The following KIF5B variants were observed in gnomAD, a reference collection of about 807,000 sequenced individuals.
The protein encoded by KIF5B is kinesin family member 5B.
A neutral mutation model predicts 132.8 loss-of-function variants in KIF5B; 49 were observed. That is an observed-to-expected ratio of 0.37 (90% CI 0.29 to 0.47). The LOEUF is 0.47. Ranked by LOEUF, KIF5B falls within the 20% of genes least tolerant of loss-of-function variation. The probability of loss-of-function intolerance (pLI) is 1.00; values close to 1 mark genes in which losing one functional copy is unlikely to be tolerated. For missense variants in KIF5B, 780 were observed against 1,144.0 expected, an observed-to-expected ratio of 0.68 and a Z score of 4.59; for synonymous variants, 355 against 369.4, an observed-to-expected ratio of 0.96 and a Z score of 0.45.
In KIF5B at chr10:32,033,826, T is replaced by G. The variant is rs750690049; in HGVS notation, c.1305+19A>C. 6.3e-7 allele frequency: 1 copy of G among 1,577,722 alleles called. No homozygotes were observed. The highest frequency in any genetic ancestry group is 1.1e-5 in the South Asian group (1 of 88,980). On this transcript the variant is annotated intron_variant, in intron 12 of 25. Transcript: ENST00000302418. ...ATAGTATCCTAATATAAAGCAGACC[T>G]AAATCAAGCAATACCTACCTTGTCA...
chr10:32,056,267 T>C lies in KIF5B; in HGVS notation c.-294A>G, dbSNP rs1841762561. 3 of 368,432 alleles carry C rather than the reference T, an allele frequency of 8.1e-6. No individual in the cohort carries two copies. Among genetic ancestry groups the C allele is most frequent in the Non-Finnish European group, 9.9e-6 (2 of 202,914 alleles). 22.8% of individuals were successfully genotyped at this position (368,432 alleles called of 1,614,324 possible). ...CTCCTCAGCGTCCCCCTTTACGGTC[T>C]GGGCGGACTGCGGGGGCTGGGGAGG... On this transcript the variant is annotated 5_prime_UTR_variant, in exon 1 of 26. Transcript: ENST00000302418.
chr10:32,021,402 A>G (rs1841256920), intron 17 of KIF5B, 115 bp from the exon 18 acceptor site: 1 of 707,328 alleles, frequency 1.4e-6, no homozygotes, highest in Non-Finnish European at 2.4e-6. Flanking sequence ...TTCAACTTCA[A>G]ATTACCCAAA....
Position 32,035,682 on chromosome 10 carries a change from A to T in KIF5B, c.817-15T>A. ...GGAACATATGTCTGCATACAAAAACAAAGAAAGAAAACAAGACCAGTATAA... is the reference window on the plus strand; with the variant it reads ...GGAACATATGTCTGCATACAAAAACTAAGAAAGAAAACAAGACCAGTATAA... On this transcript the variant is annotated splice_polypyrimidine_tract_variant and intron_variant, in intron 9 of 25. Coordinates refer to ENST00000302418, the MANE Select transcript of KIF5B (RefSeq NM_004521.3). The T allele has an allele frequency of 6.3e-7, 1 of 1,587,384 alleles. No individual in the cohort carries two copies. The highest frequency in any genetic ancestry group is 8.5e-7 in the Non-Finnish European group (1 of 1,170,198).
chr10:32,038,826 C>T lies in KIF5B; in HGVS notation c.394G>A (p.Val132Ile). The T allele has an allele frequency of 6.7e-7, 1 of 1,497,790 alleles. No homozygotes were observed. The highest frequency in any genetic ancestry group is 1.2e-5 in the South Asian group (1 of 86,080). 92.8% of individuals were successfully genotyped at this position (1,497,790 alleles called of 1,614,324 possible). The part of the protein sequence containing the change: ...MDENLEFHIK[V>I]SYFEIYLDKI... ...TCCAAATATATTTCAAAATATGAAA[C>T]CTAAAGGGCAAATTTAAAAAAACAC... The change falls in exon 5 of 26, where the codon GTT becomes ATT. Residue 132 changes from valine (V) to isoleucine (I), a missense_variant and splice_region_variant. By Grantham distance (29) the Val-to-Ile change is conservative (BLOSUM62 3). Around this residue, in one of 9 missense-constraint regions of KIF5B, gnomAD observed 76 missense variants for 146.4 expected, o/e 0.52. Coordinates refer to ENST00000302418, the MANE Select transcript of KIF5B (RefSeq NM_004521.3).
At chr10:32,033,408 T>C (rs1046413950) in intron 12 of KIF5B, among the ~76,000 whole-genome samples, 1 of 152,182 alleles carries the variant, frequency 6.6e-6, no homozygotes, top group Non-Finnish European at 1.5e-5. Context: ...AGAATATCAT[T>C]AAGAGCGCGA....
At chr10:32,021,795 G>T (rs1292586328) in intron 17 of KIF5B, among the ~76,000 whole-genome samples, 2 of 151,992 alleles carry the variant, frequency 1.3e-5, no homozygotes, top group African/African-American at 4.8e-5. Context: ...ACACGGTGAA[G>T]CCCTGTCTCT....
rs1472354207 is a variant in KIF5B, at chr10:32,010,464, A to C, written c.*1073T>G. 1 of 152,224 alleles carries C rather than the reference A, an allele frequency of 6.6e-6. No homozygotes were observed. Among genetic ancestry groups the C allele is most frequent in the Admixed American group, 6.5e-5 (1 of 15,274 alleles). 9.4% of individuals were successfully genotyped at this position (152,224 alleles called of 1,614,324 possible). On this transcript the variant is annotated 3_prime_UTR_variant, in exon 26 of 26. Transcript: ENST00000302418. The stretch of plus-strand genomic sequence containing the variant: ...CAAATTAGTGTAGCAGGTTAAAAAC[A>C]CCTCAGGGATTTCAGACCAAAATTG...
In KIF5B at chr10:32,018,132, T is replaced by C; in HGVS notation, c.2464A>G (p.Thr822Ala). ...TGCTTCTGAGCAGCGCTGCCTCCGG[T>C]GTCATCAGAATCAATCTCAGCACTC... ...KKSAEIDSDD[T>A]GGSAAQKQKI... Residue 822 changes from threonine to alanine, a missense_variant, in exon 23 of 26, where the codon ACC becomes GCC. By Grantham distance (58) the Thr-to-Ala change is moderately conservative. Coordinates refer to ENST00000302418, the MANE Select transcript of KIF5B (RefSeq NM_004521.3). The C allele has an allele frequency of 6.2e-7, 1 of 1,609,720 alleles. No individual in the cohort carries two copies. The highest frequency in any genetic ancestry group is 8.5e-7 in the Non-Finnish European group (1 of 1,177,450).
chr10:32,048,568 T>G lies in KIF5B; in HGVS notation c.127-17A>C. ...AGGCTTGGACTGAAAAACAAAAAAG[T>G]GTTTCAACTATACAAATTAAAGGTA... On this transcript the variant is annotated splice_polypyrimidine_tract_variant and intron_variant, in intron 1 of 25. Transcript: ENST00000302418. 5.1e-6 allele frequency: 8 copies of G among 1,581,356 alleles called. No homozygotes were observed. The highest frequency in any genetic ancestry group is 6.9e-6 in the Non-Finnish European group (8 of 1,153,186).
chr10:32,053,801 A>C (rs1416172420), intron 1 of KIF5B, among the ~76,000 whole-genome samples: 1 of 152,128 alleles, frequency 6.6e-6, no homozygotes, highest in Non-Finnish European at 1.5e-5. Context: ...CAGCTTACCT[A>C]AAGGTTAACT....
Position 32,022,049 on chromosome 10 carries a change from C to T in KIF5B, c.2032+91G>A, listed in dbSNP as rs540640950. On this transcript the variant is annotated intron_variant, in intron 17 of 25. Transcript: ENST00000302418. The stretch of plus-strand genomic sequence containing the variant: ...TTACCATTCGAAATCAGCCATATTC[C>T]TACTATTTCTTTCAGTGTGAATATT... 18 of 669,412 alleles carry T rather than the reference C, an allele frequency of 2.7e-5. No individual in the cohort carries two copies. In the South Asian group the frequency reaches 3.4e-4, roughly 13 times the overall value. The allele number at this position is 669,412 out of a possible 1,614,324, so 41.5% of individuals were successfully genotyped here. A position where few individuals can be genotyped will look rare whatever the true frequency, so the allele number is the denominator to read the frequency against.
Position 32,056,418 on chromosome 10 carries a change from T to TGGGCGACA in KIF5B, c.-446_-445insTGTCGCCC, listed in dbSNP as rs1564473204. The TGGGCGACA allele has an allele frequency of 6.1e-6, 1 of 163,462 alleles. No individual in the cohort carries two copies. Among genetic ancestry groups the TGGGCGACA allele is most frequent in the Non-Finnish European group, 1.3e-5 (1 of 74,828 alleles). The allele number at this position is 163,462 out of a possible 1,614,324, so 10.1% of individuals were successfully genotyped here. A position where few individuals can be genotyped will look rare whatever the true frequency, so the allele number is the denominator to read the frequency against. The stretch of plus-strand genomic sequence containing the variant: ...GCCCGATCACTCCTGAGGCCGCCGT[T>TGGGCGACA]GGGCGACAGGGCGGTGCGGGAGGAG... On this transcript the variant is annotated 5_prime_UTR_variant, in exon 1 of 26. Coordinates refer to ENST00000302418, the MANE Select transcript of KIF5B (RefSeq NM_004521.3).
At position 32,015,615 on chromosome 10, in the gene KIF5B, G is replaced by T. The variant is rs755787052; in HGVS notation, c.2806C>A (p.His936Asn). The change falls in exon 25 of 26, where the codon CAC becomes AAC. Residue 936 changes from histidine (H) to asparagine (N), a missense_variant. Physicochemically the swap from His to Asn is moderately conservative, Grantham distance 68. Around this residue, in one of 9 missense-constraint regions of KIF5B, gnomAD observed 90 missense variants for 101.8 expected, o/e 0.88. Transcript: ENST00000302418. ...CCTCCTCCACGAATTGCACTTGGGT[G>T]AGTTGGAGAAGCTGCTGGATGTTGC... ...PGQHPAASPT[H>N]PSAIRGGGAF... The T allele has an allele frequency of 6.2e-7, 1 of 1,613,536 alleles. No homozygotes were observed. Among genetic ancestry groups the T allele is most frequent in the African/African-American group, 1.3e-5 (1 of 74,906 alleles).
chr10:32,013,138 T>C (rs1841107741), intron 25 of KIF5B, among the ~76,000 whole-genome samples: 1 of 152,008 alleles, frequency 6.6e-6, no homozygotes, highest in African/African-American at 2.4e-5. Flanking sequence ...TGACCTGAGG[T>C]GACCCACCCA....
chr10:32,055,857 G>T lies in KIF5B; in HGVS notation c.117C>A (p.Val39=). 1 of 1,612,332 alleles carries T rather than the reference G, an allele frequency of 6.2e-7. No homozygotes were observed. Among genetic ancestry groups the T allele is most frequent in the Non-Finnish European group, 8.5e-7 (1 of 1,179,736 alleles). The change falls in exon 1 of 26, where the codon GTC becomes GTA. Residue 39 remains valine, a synonymous_variant. Coordinates refer to ENST00000302418, the MANE Select transcript of KIF5B (RefSeq NM_004521.3). ...YIAKFQGEDT[V]VIASKPYAFD... is the part of the protein sequence containing the mutation. ...GGCGGGGGTCACTCACCGCGATCAC[G>T]ACCGTGTCTTCTCCCTGAAACTTGG...
intron 2 of KIF5B, among the ~76,000 whole-genome samples, chr10:32,042,421 A>G (rs1159505585): frequency 6.6e-6 from 1 of 152,178 alleles, no homozygotes; most frequent in African/African-American, 2.4e-5. Flanking sequence ...CAATTCCACA[A>G]CGCACCCCCA....
At chr10:32,035,782 A>G in intron 9 of KIF5B, 108 bp downstream of exon 9, 1 of 1,328,860 alleles carries the variant, frequency 7.5e-7, no homozygotes. Context: ...TTGAATCTCA[A>G]TCTCTCTTTC....
rs781197791 is a variant in KIF5B, at chr10:32,037,508, T to C, written c.586+12A>G. Reference sequence around the variant, plus strand: ...TGGTTTTAAATCCTAACCAGTGTTATTTTCTACTTACTTGTAACTGCTACA... The same window carrying C: ...TGGTTTTAAATCCTAACCAGTGTTACTTTCTACTTACTTGTAACTGCTACA... On this transcript the variant is annotated intron_variant, in intron 7 of 25. Transcript: ENST00000302418. 1.9e-6 allele frequency: 3 copies of C among 1,605,278 alleles called. No homozygotes were observed. Among genetic ancestry groups the C allele is most frequent in the Admixed American group, 1.7e-5 (1 of 59,966 alleles).
At chr10:32,028,820 A>C (rs1841364153) in intron 14 of KIF5B, among the ~76,000 whole-genome samples, 1 of 152,176 alleles carries the variant, frequency 6.6e-6, no homozygotes, top group Non-Finnish European at 1.5e-5. Flanking sequence ...CTGTTATTTC[A>C]CTAAATTCCT....
Sources: gnomAD v4.1 joint callset for allele counts (sites outside exome capture counted in the v4.1 genomes callset) on GRCh38, gnomAD v4.1.1 for gene constraint, gnomAD v4.1.1 regional missense constraint, MANE v1.5 for transcripts, NCBI Gene and HGNC (gene_info 2026-07-23, HGNC 2026-07-21) for gene names.